Variants in GNG12 observed in about 807,000 individuals in gnomAD.
GNG12 encodes the protein G protein subunit gamma 12.
For synonymous variants in GNG12, 28 were observed against 29.7 expected (o/e 0.94, Z 0.19); for missense variants, 69 against 83.8 (o/e 0.82, Z 0.69).
In GNG12 at chr1:67,819,864, T is replaced by C. The variant is rs1346316131; in HGVS notation, c.-77+13480A>G. On this transcript the variant is annotated intron_variant, in intron 1 of 3. Transcript: ENST00000370982. ...CTCCAGATTTAACCTGGCTGCCTCC[T>C]GCTCATTCAGCTCTCAGCTCAAATG... Among the ~76,000 whole-genome samples, 3 of 152,188 alleles carry C rather than the reference T, an allele frequency of 2.0e-5. No homozygotes were observed. In the East Asian group the frequency reaches 5.8e-4, roughly 29 times the overall value.
intron 1 of GNG12, among the ~76,000 whole-genome samples, chr1:67,806,732 A>G (rs373821168): frequency 6.6e-6 from 1 of 152,214 alleles, no homozygotes; most frequent in African/African-American, 2.4e-5. Context: ...AATACAACAT[A>G]ACAATATTTG....
At chr1:67,709,718 A>G (rs1480062592) in intron 2 of GNG12, among the ~76,000 whole-genome samples, 3 of 148,652 alleles carry the variant, frequency 2.0e-5, no homozygotes, top group Non-Finnish European at 4.4e-5. Flanking sequence ...CTCCCAGACC[A>G]GCACTTACTA....
intron 2 of GNG12, among the ~76,000 whole-genome samples, chr1:67,731,779 A>T (rs1646421509): frequency 6.6e-6 from 1 of 152,112 alleles, no homozygotes; most frequent in Non-Finnish European, 1.5e-5. Context: ...GATTAAGATG[A>T]TCTCTTCCTC....
chr1:67,787,700 C>T (rs1213059353), intron 1 of GNG12, among the ~76,000 whole-genome samples: 2 of 152,206 alleles, frequency 1.3e-5, no homozygotes, highest in African/African-American at 2.4e-5. Flanking sequence ...AAACCAATAG[C>T]CAGCTACCCA....
rs1290878339 is a variant in GNG12 at position 67,786,971 on chromosome 1, GTGTGTGTGTGTGTGTA to G, written c.-76-9480_-76-9465del. Among the ~76,000 whole-genome samples the G allele has an allele frequency of 3.7e-3, 516 of 137,948 alleles. 5 individuals are homozygous for G. Among genetic ancestry groups the G allele is most frequent in the Middle Eastern group, 0.014 (4 of 280 alleles). The allele number at this position is 137,948 out of a possible 152,430, so 90.5% of individuals were successfully genotyped here. A position where few individuals can be genotyped will look rare whatever the true frequency, so the allele number is the denominator to read the frequency against. ...TGTGTGTGTGTGTGTGTGTGTGTGT[GTGTGTGTGTGTGTGTA>G]TGTATATATATGTGTATATCTGTGT... On this transcript the variant is annotated intron_variant, in intron 1 of 3. Coordinates refer to ENST00000370982, the MANE Select transcript of GNG12 (RefSeq NM_018841.6).
At chr1:67,829,766 T>C (rs1647032576) in intron 1 of GNG12, among the ~76,000 whole-genome samples, 1 of 152,230 alleles carries the variant, frequency 6.6e-6, no homozygotes, top group African/African-American at 2.4e-5. Context: ...AATCAAATGC[T>C]TCAGTTGTTT....
chr1:67,763,341 A>C (rs1646617353), intron 2 of GNG12, among the ~76,000 whole-genome samples: 1 of 152,122 alleles, frequency 6.6e-6, no homozygotes, highest in Non-Finnish European at 1.5e-5. Flanking sequence ...TTCAACTGTC[A>C]TGTCTCTTTA....
intron 2 of GNG12, among the ~76,000 whole-genome samples, chr1:67,749,177 T>C (rs1467981944): frequency 1.3e-5 from 2 of 152,202 alleles, no homozygotes; most frequent in Non-Finnish European, 2.9e-5. Context: ...GTCTGCTAAC[T>C]TAGTTTGGAG....
intron 1 of GNG12, among the ~76,000 whole-genome samples, chr1:67,794,660 T>C (rs527487568): frequency 6.6e-6 from 1 of 152,234 alleles, no homozygotes; most frequent in Non-Finnish European, 1.5e-5. Flanking sequence ...CTGTTACTTA[T>C]AGTCTTGATA....
In GNG12 at chr1:67,703,341, A is replaced by C. The variant is rs1646226340; in HGVS notation, c.*2110T>G. 6.6e-6 allele frequency: 1 copy of C among 152,228 alleles called. No homozygotes were observed. The highest frequency in any genetic ancestry group is 2.1e-4 in the South Asian group (1 of 4,836). The allele number at this position is 152,228 out of a possible 1,614,324, so 9.4% of individuals were successfully genotyped here. ...AAAGAGCATGTTTCAGTACTAAATA[A>C]TAAACTATGCCTGCTACCAATAACA... On this transcript the variant is annotated 3_prime_UTR_variant, in exon 4 of 4. Coordinates refer to ENST00000370982, the MANE Select transcript of GNG12 (RefSeq NM_018841.6).
At chr1:67,712,057 G>T (rs935482828) in intron 2 of GNG12, among the ~76,000 whole-genome samples, 1 of 152,198 alleles carries the variant, frequency 6.6e-6, no homozygotes, top group Admixed American at 6.5e-5. Context: ...ACTTCCTTCC[G>T]ACTTGCAGCT....
intron 2 of GNG12, among the ~76,000 whole-genome samples, chr1:67,738,245 G>GA (rs2100708804): frequency 6.6e-6 from 1 of 152,250 alleles, no homozygotes; most frequent in Non-Finnish European, 1.5e-5. Flanking sequence ...TTATTTCTAA[G>GA]AAACTACATA....
At chr1:67,811,274 G>A (rs1037960096) in intron 1 of GNG12, among the ~76,000 whole-genome samples, 3 of 152,138 alleles carry the variant, frequency 2.0e-5, no homozygotes, top group African/African-American at 7.2e-5. Flanking sequence ...TGGGTAGGGA[G>A]AGCTCGATGT....
chr1:67,779,798 T>C (rs772613939), intron 1 of GNG12, among the ~76,000 whole-genome samples: 1 of 152,182 alleles, frequency 6.6e-6, no homozygotes, highest in African/African-American at 2.4e-5. Flanking sequence ...CGTGTGAATA[T>C]CGTAGGGTGT....
At chr1:67,740,034 G>A (rs528315810) in intron 2 of GNG12, among the ~76,000 whole-genome samples, 24 of 152,268 alleles carry the variant, frequency 1.6e-4, no homozygotes, top group African/African-American at 5.8e-4. Context: ...ACACAGGCAT[G>A]GATAAATTAC....
chr1:67,796,352 C>T (rs1646831225), intron 1 of GNG12, among the ~76,000 whole-genome samples: 1 of 152,136 alleles, frequency 6.6e-6, no homozygotes. Context: ...CTGGCACACT[C>T]AGGATGCTTT....
intron 2 of GNG12, among the ~76,000 whole-genome samples, chr1:67,746,892 C>CAGAG (rs1267792703): frequency 6.6e-6 from 1 of 151,424 alleles, no homozygotes; most frequent in Non-Finnish European, 1.5e-5. Context: ...AAGTGAAAGG[C>CAGAG]AGCTAAACAT....
intron 2 of GNG12, among the ~76,000 whole-genome samples, chr1:67,717,604 T>A (rs1646333526): frequency 6.6e-6 from 1 of 152,196 alleles, no homozygotes. Context: ...TTAATTACCT[T>A]AACCTACAGG....
chr1:67,819,858 G>A (rs1032879051), intron 1 of GNG12, among the ~76,000 whole-genome samples: 1 of 152,124 alleles, frequency 6.6e-6, no homozygotes, highest in Admixed American at 6.5e-5. Context: ...TAACCTGGCT[G>A]CCTCCTGCTC....
Sources: gnomAD v4.1 joint callset for allele counts (sites outside exome capture counted in the v4.1 genomes callset) on GRCh38, gnomAD v4.1.1 for gene constraint, MANE v1.5 for transcripts, NCBI Gene and HGNC (gene_info 2026-07-23, HGNC 2026-07-21) for gene names.